MAPK8IP2: variants seen among roughly 807,000 people sequenced by gnomAD.
The protein encoded by MAPK8IP2 is C-Jun-amino-terminal kinase-interacting protein 2.
A neutral mutation model predicts 75.6 loss-of-function variants in MAPK8IP2; 15 were observed. The ratio of observed to expected loss-of-function variants is 0.20; its 90% CI spans 0.13 to 0.31. The LOEUF (loss-of-function observed/expected upper bound fraction) is 0.31. MAPK8IP2 is among the 10% of genes least tolerant of loss of function. MAPK8IP2 has a pLI of 1.00. For missense variants in MAPK8IP2, 1,089 were observed against 1,211.2 expected, an observed-to-expected ratio of 0.90 and a Z score of 1.50; for synonymous variants, 632 against 554.5, an observed-to-expected ratio of 1.14 and a Z score of -1.96.
rs1287575536 is a variant in MAPK8IP2 at position 50,611,712 on chromosome 22, C to A, written c.*933C>A. On this transcript the variant is annotated 3_prime_UTR_variant, in exon 12 of 12. Coordinates refer to ENST00000329492, the MANE Select transcript of MAPK8IP2 (RefSeq NM_012324.6). This position sits in a 1 kb window ranked among gnomAD's most constrained non-coding sequence, Gnocchi z 5.5. ...GGTCCCTGCGGTGCTGCTCTGGGGC[C>A]TTATCTGAGGTGCCGTATCTAGAAG... 6.6e-6 allele frequency: 1 copy of A among 152,198 alleles called. No individual in the cohort carries two copies. The highest frequency in any genetic ancestry group is 2.4e-5 in the African/African-American group (1 of 41,406). The allele number at this position is 152,198 out of a possible 1,614,324, so 9.4% of individuals were successfully genotyped here.
At position 50,604,814 on chromosome 22, in the gene MAPK8IP2, G is replaced by A; in HGVS notation, c.1515G>A (p.Val505=). The A allele has an allele frequency of 1.3e-6, 2 of 1,558,524 alleles. No individual in the cohort carries two copies. Among genetic ancestry groups the A allele is most frequent in the Non-Finnish European group, 1.7e-6 (2 of 1,153,498 alleles). ...GPSAPRDASL[V]YDAVKYTLVV... ...CGGCGCCGCGGGACGCGTCGCTGGT[G>A]TACGACGCGGTCAAGTACACGCTGG... is the stretch of plus-strand genomic sequence containing the variant. The change falls in exon 5 of 12, where the codon GTG becomes GTA. Residue 505 remains valine (V), a synonymous_variant. Transcript: ENST00000329492.
chr22:50,600,887 C>A lies in MAPK8IP2; in HGVS notation c.65+4C>A, dbSNP rs376088942. On this transcript the variant is annotated splice_donor_region_variant and intron_variant, in intron 1 of 11. Transcript: ENST00000329492. The stretch of plus-strand genomic sequence containing the variant: ...CGCTGTCGCCGCCGGGCTGCAGGTA[C>A]CCCCCTCGGCGCCCGGGCCGGGCGG... The A allele has an allele frequency of 2.4e-6, 3 of 1,251,154 alleles. No homozygotes were observed. The highest frequency in any genetic ancestry group is 3.0e-5 in the South Asian group (2 of 66,496). The allele number at this position is 1,251,154 out of a possible 1,614,324, so 77.5% of individuals were successfully genotyped here.
Position 50,603,243 on chromosome 22 carries a change from C to T in MAPK8IP2, c.192C>T (p.Arg64=). Residue 64 remains arginine (R), a synonymous_variant, in exon 3 of 12, where the codon CGC becomes CGT. Coordinates refer to ENST00000329492, the MANE Select transcript of MAPK8IP2 (RefSeq NM_012324.6). ...HCEKDSLSLG[R]SEQPHPICSF... ...TGCAGGACAGCCTCTCCCTGGGGCG[C>T]TCGGAGCAGCCGCACCCCATCTGCT... 6.2e-7 allele frequency: 1 copy of T among 1,608,182 alleles called. No individual in the cohort carries two copies.
At position 50,605,750 on chromosome 22, in the gene MAPK8IP2, C is replaced by A. The variant is rs776844542; in HGVS notation, c.2014+16C>A. On this transcript the variant is annotated intron_variant, in intron 7 of 11. Coordinates refer to ENST00000329492, the MANE Select transcript of MAPK8IP2 (RefSeq NM_012324.6). Reference sequence around the variant, plus strand: ...GACCTGCTGGGTGAGGTCCCAACCCCGAGGGGAGGCTTTTCACCCCAGATC... The same window carrying A: ...GACCTGCTGGGTGAGGTCCCAACCCAGAGGGGAGGCTTTTCACCCCAGATC... 13 of 1,604,362 alleles carry A rather than the reference C, an allele frequency of 8.1e-6. No individual in the cohort carries two copies. Among genetic ancestry groups the A allele is most frequent in the Non-Finnish European group, 1.0e-5 (12 of 1,175,922 alleles).
In MAPK8IP2 at chr22:50,604,718, A is replaced by AGAGGACGAC; in HGVS notation, c.1425_1433dup (p.Asp475_Glu477dup). 6.5e-7 allele frequency: 1 copy of AGAGGACGAC among 1,533,500 alleles called. No individual in the cohort carries two copies. Among genetic ancestry groups the AGAGGACGAC allele is most frequent in the Non-Finnish European group, 8.8e-7 (1 of 1,141,536 alleles). 95.0% of individuals were successfully genotyped at this position (1,533,500 alleles called of 1,614,324 possible). On this transcript the variant is annotated inframe_insertion, in exon 5 of 12. Coordinates refer to ENST00000329492, the MANE Select transcript of MAPK8IP2 (RefSeq NM_012324.6). ...CCGCCTGCTCCGAGGAGGAGGACGA[A>AGAGGACGAC]GAGGACGACGAGGAAGAGGAGGATG...
intron 10 of MAPK8IP2, among the ~76,000 whole-genome samples, chr22:50,608,103 G>T (rs2071079879): frequency 6.6e-6 from 1 of 152,230 alleles, no homozygotes; most frequent in Non-Finnish European, 1.5e-5. Context: ...GCGTGGGACA[G>T]ACGTCAGTGC....
rs1018128149 is a variant in MAPK8IP2 at position 50,611,002 on chromosome 22, C to T, written c.*223C>T. The T allele has an allele frequency of 3.2e-5, 17 of 535,570 alleles. No individual in the cohort carries two copies. Among genetic ancestry groups the T allele is most frequent in the South Asian group, 1.2e-4 (5 of 40,414 alleles). 33.2% of individuals were successfully genotyped at this position (535,570 alleles called of 1,614,324 possible). Reference sequence around the variant, plus strand: ...CCGTGCCCCTGCTTTTCCTCAGATCCGTTCTTTCTCTGTGTTGTCCTCCTC... The same window carrying T: ...CCGTGCCCCTGCTTTTCCTCAGATCTGTTCTTTCTCTGTGTTGTCCTCCTC... On this transcript the variant is annotated 3_prime_UTR_variant, in exon 12 of 12. Coordinates refer to ENST00000329492, the MANE Select transcript of MAPK8IP2 (RefSeq NM_012324.6). The surrounding 1 kb of genome is among the most constrained non-coding windows in gnomAD (Gnocchi z 5.5).
Position 50,600,875 on chromosome 22 carries a change from G to C in MAPK8IP2, c.57G>C (p.Pro19=). Reference sequence around the variant, plus strand: ...CCACCTTCCACTCGCTGTCGCCGCCGGGCTGCAGGTACCCCCCTCGGCGCC... The same window carrying C: ...CCACCTTCCACTCGCTGTCGCCGCCCGGCTGCAGGTACCCCCCTCGGCGCC... ...SLSTFHSLSP[P]GCRPPQDISL... The change falls in exon 1 of 12, where the codon CCG becomes CCC. Residue 19 remains proline (P), a synonymous_variant. Transcript: ENST00000329492. 4 of 1,280,182 alleles carry C rather than the reference G, an allele frequency of 3.1e-6. No individual in the cohort carries two copies. Among genetic ancestry groups the C allele is most frequent in the Non-Finnish European group, 3.0e-6 (3 of 985,304 alleles). 79.3% of individuals were successfully genotyped at this position (1,280,182 alleles called of 1,614,324 possible).
At position 50,610,624 on chromosome 22, in the gene MAPK8IP2, G is replaced by A; in HGVS notation, c.2403-83G>A. 2.7e-6 allele frequency: 3 copies of A among 1,105,822 alleles called. No homozygotes were observed. The highest frequency in any genetic ancestry group is 4.0e-6 in the Non-Finnish European group (3 of 748,198). The allele number at this position is 1,105,822 out of a possible 1,614,324, so 68.5% of individuals were successfully genotyped here. On this transcript the variant is annotated intron_variant, in intron 11 of 11. Coordinates refer to ENST00000329492, the MANE Select transcript of MAPK8IP2 (RefSeq NM_012324.6). The surrounding 1 kb of genome is among the most constrained non-coding windows in gnomAD (Gnocchi z 4.3). ...GGATGGCTGCAGAGGGAGGAAGGAG[G>A]GAGAGCTCAGAGGCTCTGTGGAAGG...
chr22:50,606,545 C>T, intron 8 of MAPK8IP2, 113 bp from the exon 9 acceptor site: 2 of 772,004 alleles, frequency 2.6e-6, no homozygotes, highest in South Asian at 1.5e-5. Context: ...GGGTCCTCAG[C>T]ATGTGTGTCC....
chr22:50,603,186 C>T (rs2070965983), intron 2 of MAPK8IP2, 37 bp from the exon 3 acceptor site: 8 of 1,612,416 alleles, frequency 5.0e-6, no homozygotes, highest in East Asian at 4.5e-5. Flanking sequence ...TACTGCTGCC[C>T]TCTGGCCCAG....
In MAPK8IP2 at chr22:50,605,660, T is replaced by C; in HGVS notation, c.1940T>C (p.Met647Thr). 6.2e-7 allele frequency: 1 copy of C among 1,612,688 alleles called. No individual in the cohort carries two copies. The highest frequency in any genetic ancestry group is 8.5e-7 in the Non-Finnish European group (1 of 1,179,680). ...GACTTCTGGTTCCGTGGCTTCAACA[T>C]GCGCACGGGGGAGCGCGGTGTGTTT... ...EDDFWFRGFN[M>T]RTGERGVFPA... is the part of the protein sequence containing the mutation. Residue 647 changes from methionine to threonine, a missense_variant, in exon 7 of 12, where the codon ATG becomes ACG. Met to Thr is a moderately conservative substitution (Grantham distance 81). Around this residue, in one of 2 missense-constraint regions of MAPK8IP2, gnomAD observed 960 missense variants for 1,009.6 expected, o/e 0.95. Transcript: ENST00000329492.
intron 10 of MAPK8IP2, chr22:50,609,790 G>A (rs906049711): frequency 1.7e-5 from 9 of 519,424 alleles, no homozygotes; most frequent in Non-Finnish European, 3.1e-5. Flanking sequence ...CAGGGGTAAC[G>A]TCCAGCCCCA....
chr22:50,603,349 G>A lies in MAPK8IP2; in HGVS notation c.298G>A (p.Glu100Lys). 1 of 1,555,022 alleles carries A rather than the reference G, an allele frequency of 6.4e-7. No homozygotes were observed. The highest frequency in any genetic ancestry group is 8.7e-7 in the Non-Finnish European group (1 of 1,152,542). The change falls in exon 3 of 12, where the codon GAG becomes AAG. Residue 100 changes from glutamate (E) to lysine (K), a missense_variant. Glu to Lys is a moderately conservative substitution (Grantham distance 56). Around this residue, in one of 2 missense-constraint regions of MAPK8IP2, gnomAD observed 960 missense variants for 1,009.6 expected, o/e 0.95. Transcript: ENST00000329492. Reference sequence around the variant, plus strand: ...CGATGAGGACGAGGAAGAGGAGGAGGAGGAGGAGGAGGGAGATGGGGAAGG... The same window carrying A: ...CGATGAGGACGAGGAAGAGGAGGAGAAGGAGGAGGAGGGAGATGGGGAAGG... Reference protein sequence around the residue: ...EDDEDEEEEEEEEEGDGEGQE... With the variant: ...EDDEDEEEEEKEEEGDGEGQE...
Position 50,612,269 on chromosome 22 carries a change from A to C in MAPK8IP2, c.*1490A>C, listed in dbSNP as rs1569070167. On this transcript the variant is annotated 3_prime_UTR_variant, in exon 12 of 12. Coordinates refer to ENST00000329492, the MANE Select transcript of MAPK8IP2 (RefSeq NM_012324.6). ...GAAGAAAATAGGTGACTTTTTCACT[A>C]TGTGCTTAGGTGACTGCAGATGCCC... The C allele has an allele frequency of 6.6e-6, 1 of 152,168 alleles. No individual in the cohort carries two copies. 9.4% of individuals were successfully genotyped at this position (152,168 alleles called of 1,614,324 possible).
chr22:50,608,437 C>T (rs530718102), intron 10 of MAPK8IP2, among the ~76,000 whole-genome samples: 19 of 93,660 alleles, frequency 2.0e-4, no homozygotes, highest in African/African-American at 8.5e-4. Flanking sequence ...ACCAGGACAG[C>T]GAACGGGGCG....
Position 50,604,228 on chromosome 22 carries a change from C to T in MAPK8IP2, c.929C>T (p.Pro310Leu), listed in dbSNP as rs753985446. Reference protein sequence around the residue: ...ASSPASEPEPPREPPRRPAFL... With the variant: ...ASSPASEPEPLREPPRRPAFL... ...TCGCCCGCCTCGGAGCCGGAGCCCC[C>T]GCGCGAACCCCCGCGCCGCCCCGCC... Residue 310 changes from proline to leucine, a missense_variant, in exon 5 of 12, where the codon CCG becomes CTG. By Grantham distance (98) the Pro-to-Leu change is moderately conservative (BLOSUM62 -3). Transcript: ENST00000329492. The T allele has an allele frequency of 7.1e-6, 11 of 1,558,982 alleles. No homozygotes were observed. Among genetic ancestry groups the T allele is most frequent in the South Asian group, 1.2e-5 (1 of 86,120 alleles).
At chr22:50,601,208 G>A (rs75820512) in intron 1 of MAPK8IP2, 10,853 of 155,418 alleles carry the variant, frequency 0.07, 414 homozygotes, top group Non-Finnish European at 0.087. Context: ...GGCGGGATGC[G>A]GGCACACCCT....
rs775229551 is a variant in MAPK8IP2 at position 50,605,372 on chromosome 22, C to G, written c.1770C>G (p.Thr590=). 3 of 1,613,278 alleles carry G rather than the reference C, an allele frequency of 1.9e-6. No homozygotes were observed. The highest frequency in any genetic ancestry group is 2.7e-5 in the African/African-American group (2 of 74,932). The change falls in exon 6 of 12, where the codon ACC becomes ACG. Residue 590 remains threonine (T), a synonymous_variant. Coordinates refer to ENST00000329492, the MANE Select transcript of MAPK8IP2 (RefSeq NM_012324.6). The part of the protein sequence containing the change: ...FVNSTSRSSS[T]ESFGLFSCLV... Reference sequence around the variant, plus strand: ...CTGTCCTGCCGGGTCTCCCAGGCACCGAGTCCTTTGGCCTTTTCTCCTGTC... The same window carrying G: ...CTGTCCTGCCGGGTCTCCCAGGCACGGAGTCCTTTGGCCTTTTCTCCTGTC...
Sources: gnomAD v4.1 joint callset for allele counts (sites outside exome capture counted in the v4.1 genomes callset) on GRCh38, gnomAD v4.1.1 for gene constraint, gnomAD v4.1.1 regional missense constraint, Gnocchi (gnomAD v3.1) non-coding constraint, MANE v1.5 for transcripts, NCBI Gene and HGNC (gene_info 2026-07-23, HGNC 2026-07-21) for gene names.